PRDM16: variants seen among roughly 807,000 people sequenced by gnomAD.
The protein encoded by PRDM16 is PR/SET domain 16.
In PRDM16, 23 loss-of-function variants were observed where a neutral mutation model predicts 110.6. That is an observed-to-expected ratio of 0.21 (90% CI 0.15 to 0.29). The LOEUF is 0.29. PRDM16 is among the 10% of genes least tolerant of loss of function. The pLI, the probability that PRDM16 is intolerant of heterozygous loss-of-function variation, is 1.00. For synonymous variants in PRDM16, 799 were observed against 781.8 expected (o/e 1.02, Z -0.37); for missense variants, 1,615 against 1,794.3 (o/e 0.90, Z 1.81).
chr1:3,413,784 C>G (rs779894994), intron 9 of PRDM16, among the ~76,000 whole-genome samples: 8 of 152,220 alleles, frequency 5.3e-5, no homozygotes, highest in Non-Finnish European at 1.0e-4. Context: ...CCTTCAAGAG[C>G]CACCAGGCCA....
intron 3 of PRDM16, among the ~76,000 whole-genome samples, chr1:3,347,606 T>C (rs1476012098): frequency 6.6e-6 from 1 of 152,218 alleles, no homozygotes; most frequent in Non-Finnish European, 1.5e-5. Context: ...AGGTCAGTCC[T>C]CGGAGTAGCT....
At chr1:3,183,911 G>T (rs1045131269) in intron 1 of PRDM16, among the ~76,000 whole-genome samples, 5 of 152,170 alleles carry the variant, frequency 3.3e-5, no homozygotes, top group African/African-American at 1.2e-4. Flanking sequence ...GGAGCGCGTC[G>T]AGGGGGCTTC....
Position 3,206,240 on chromosome 1 carries a change from A to T in PRDM16, c.387+19766A>T, listed in dbSNP as rs754569861. The T allele has an allele frequency of 2.0e-5, 3 of 152,260 alleles. No individual in the cohort carries two copies. Among genetic ancestry groups the T allele is most frequent in the Admixed American group, 1.3e-4 (2 of 15,280 alleles). The allele number at this position is 152,260 out of a possible 1,614,324, so 9.4% of individuals were successfully genotyped here. On this transcript the variant is annotated intron_variant, in intron 2 of 16. Transcript: ENST00000270722. This position sits in a 1 kb window ranked among gnomAD's most constrained non-coding sequence, Gnocchi z 4.9. ...ACCTGGCCAGGCCACTCCTCTGGAG[A>T]TCCTCCCTGTGAACCACCCACAGAG...
intron 1 of PRDM16, among the ~76,000 whole-genome samples, chr1:3,135,110 C>T (rs772794915): frequency 2.6e-5 from 4 of 152,230 alleles, no homozygotes; most frequent in African/African-American, 7.2e-5. Context: ...GGAGCTCGCT[C>T]TTTATTTTGG....
chr1:3,338,907 G>A (rs947039602), intron 3 of PRDM16, among the ~76,000 whole-genome samples: 3 of 152,216 alleles, frequency 2.0e-5, no homozygotes, highest in Non-Finnish European at 4.4e-5. Flanking sequence ...GATGGCAGTG[G>A]ACCATTTCTG....
chr1:3,202,265 C>T (rs971208983), intron 2 of PRDM16, among the ~76,000 whole-genome samples: 6 of 152,048 alleles, frequency 3.9e-5, no homozygotes, highest in Non-Finnish European at 2.9e-5. Flanking sequence ...GGGACCAGGA[C>T]GTCAGATGTC....
Position 3,411,618 on chromosome 1 carries a change from C to A in PRDM16, c.1421C>A (p.Pro474His). 1 of 1,613,972 alleles carries A rather than the reference C, an allele frequency of 6.2e-7. No individual in the cohort carries two copies. The highest frequency in any genetic ancestry group is 8.5e-7 in the Non-Finnish European group (1 of 1,179,974). The change falls in exon 9 of 17, where the codon CCC (proline) becomes CAC (histidine). Residue 474 changes from proline (P) to histidine (H), a missense_variant. Physicochemically the swap from Pro to His is moderately conservative, Grantham distance 77 (BLOSUM62 -2). Around this residue, in one of 5 missense-constraint regions of PRDM16, gnomAD observed 772 missense variants for 748.3 expected, o/e 1.03. Coordinates refer to ENST00000270722, the MANE Select transcript of PRDM16 (RefSeq NM_022114.4). ...TPSPMMDKAK[P>H]SPSLNHASLG... ...AGCCCCATGATGGACAAGGCAAAACCCTCCCCCAGCCTCAATCACGCCAGC... is the reference window on the plus strand; with the variant it reads ...AGCCCCATGATGGACAAGGCAAAACACTCCCCCAGCCTCAATCACGCCAGC...
intron 3 of PRDM16, among the ~76,000 whole-genome samples, chr1:3,345,722 C>T (rs1642347863): frequency 6.6e-6 from 1 of 151,468 alleles, no homozygotes; most frequent in Admixed American, 6.6e-5. Context: ...CCTCTCGGGT[C>T]CTCCCGTGCT....
At chr1:3,269,830 C>A (rs186588629) in intron 3 of PRDM16, among the ~76,000 whole-genome samples, 4 of 95,540 alleles carry the variant, frequency 4.2e-5, no homozygotes, top group Admixed American at 2.4e-4. Context: ...GGGAGGAGGA[C>A]AGTCCCAGAG....
Position 3,119,291 on chromosome 1 carries a change from C to T in PRDM16, c.37+49995C>T, listed in dbSNP as rs144522438. 8.1e-4 allele frequency among the ~76,000 whole-genome samples: 123 copies of T among 152,354 alleles called. 2 individuals are homozygous for T. The highest frequency in any genetic ancestry group is 2.8e-3 in the African/African-American group (115 of 41,594). On this transcript the variant is annotated intron_variant, in intron 1 of 16. Coordinates refer to ENST00000270722, the MANE Select transcript of PRDM16 (RefSeq NM_022114.4). ...CCGGTGCCTCGGCCGGTGCCGTGGACATTCTTTGTGCGGCCAGGCGGGTGA... is the reference window on the plus strand; with the variant it reads ...CCGGTGCCTCGGCCGGTGCCGTGGATATTCTTTGTGCGGCCAGGCGGGTGA...
intron 1 of PRDM16, among the ~76,000 whole-genome samples, chr1:3,184,226 TACG>T (rs1324872180): frequency 6.6e-6 from 1 of 152,256 alleles, no homozygotes; most frequent in African/African-American, 2.4e-5. Context: ...GTGTTTTCCT[TACG>T]ACTTTTCCCC....
At chr1:3,386,114 C>T (rs535738762) in intron 4 of PRDM16, among the ~76,000 whole-genome samples, 40 of 152,222 alleles carry the variant, frequency 2.6e-4, no homozygotes, top group African/African-American at 8.4e-4. Flanking sequence ...CGGCACTTTC[C>T]GCCTGCATCC....
intron 3 of PRDM16, among the ~76,000 whole-genome samples, chr1:3,270,068 C>T (rs1640402680): frequency 7.0e-6 from 1 of 143,880 alleles, no homozygotes; most frequent in Non-Finnish European, 1.5e-5. Flanking sequence ...ATGACAGTCC[C>T]AGAGGACAGT....
At chr1:3,294,704 G>T (rs771345924) in intron 3 of PRDM16, among the ~76,000 whole-genome samples, 1 of 152,174 alleles carries the variant, frequency 6.6e-6, no homozygotes, top group East Asian at 1.9e-4. Flanking sequence ...GTTTGGTTGA[G>T]CATTGACAAA....
intron 1 of PRDM16, among the ~76,000 whole-genome samples, chr1:3,101,911 CT>C (rs958555366): frequency 1.8e-4 from 27 of 152,334 alleles, no homozygotes; most frequent in African/African-American, 6.3e-4. Flanking sequence ...GAGTCCTGGG[CT>C]GGGGCACAGT....
chr1:3,259,889 C>T (rs975921638), intron 3 of PRDM16, among the ~76,000 whole-genome samples: 11 of 152,224 alleles, frequency 7.2e-5, no homozygotes, highest in African/African-American at 2.4e-4. Flanking sequence ...GTCTGTGTGT[C>T]CCTCATCCAG....
Position 3,194,633 on chromosome 1 carries a change from G to A in PRDM16, c.387+8159G>A, listed in dbSNP as rs536047687. On this transcript the variant is annotated intron_variant, in intron 2 of 16. Transcript: ENST00000270722. Reference sequence around the variant, plus strand: ...CACCGTCTCCCCACCACACGCCACCGTCTCCCCGCCACACGCCACCGTCTC... The same window carrying A: ...CACCGTCTCCCCACCACACGCCACCATCTCCCCGCCACACGCCACCGTCTC... Among the ~76,000 whole-genome samples, 16 of 147,282 alleles carry A rather than the reference G, an allele frequency of 1.1e-4. 1 individual carries two copies. The East Asian group carries it at 2.9e-3, about 27-fold the overall frequency.
chr1:3,084,864 G>A (rs536212843), intron 1 of PRDM16, among the ~76,000 whole-genome samples: 1 of 152,318 alleles, frequency 6.6e-6, no homozygotes, highest in African/African-American at 2.4e-5. Flanking sequence ...TGGGCCAGTA[G>A]CTCTCGGGTG....
At chr1:3,422,363 G>A (rs1368361040) in intron 12 of PRDM16, among the ~76,000 whole-genome samples, 2 of 151,282 alleles carry the variant, frequency 1.3e-5, no homozygotes, top group Non-Finnish European at 3.0e-5. Flanking sequence ...TGGCAAGCAG[G>A]CAGACTGGCA....
Sources: gnomAD v4.1 joint callset for allele counts (sites outside exome capture counted in the v4.1 genomes callset) on GRCh38, gnomAD v4.1.1 for gene constraint, gnomAD v4.1.1 regional missense constraint, Gnocchi (gnomAD v3.1) non-coding constraint, MANE v1.5 for transcripts, NCBI Gene and HGNC (gene_info 2026-07-23, HGNC 2026-07-21) for gene names.